STK32B: variants seen among roughly 807,000 people sequenced by gnomAD.
STK32B encodes serine/threonine-protein kinase 32B.
STK32B carries 43 observed loss-of-function variants against 52.6 expected under a neutral mutation model. The observed-to-expected ratio is 0.82, with a 90% CI of 0.64 to 1.05. The LOEUF (loss-of-function observed/expected upper bound fraction) is 1.05. STK32B is among the 50% of genes least tolerant of loss of function. The pLI, the probability that STK32B is intolerant of heterozygous loss-of-function variation, is 0.00. For synonymous variants in STK32B, 238 were observed against 204.3 expected (o/e 1.17, Z -1.41); for missense variants, 621 against 534.6 (o/e 1.16, Z -1.59).
intron 1 of STK32B, among the ~76,000 whole-genome samples, chr4:5,099,457 C>CGCACGCACGT (rs1553823557): frequency 1.4e-5 from 2 of 146,174 alleles, no homozygotes; most frequent in Non-Finnish European, 3.0e-5. Context: ...TGTGCGCGCG[C>CGCACGCACGT]GCGTATGTGA....
chr4:5,313,871 G>T (rs1181176109), intron 3 of STK32B, among the ~76,000 whole-genome samples: 4 of 152,066 alleles, frequency 2.6e-5, no homozygotes, highest in Non-Finnish European at 4.4e-5. Context: ...AGATATAAAT[G>T]TAACAAAAAC....
In STK32B at chr4:5,325,630, A is replaced by G. The variant is rs146683877; in HGVS notation, c.261-5590A>G. ...AATTTTTTAAAAAATAAAACATGGA[A>G]AATCGCATTCTTTATGCAGTTCTAT... On this transcript the variant is annotated intron_variant, in intron 3 of 11. Transcript: ENST00000282908. Among the ~76,000 whole-genome samples, 268 of 152,326 alleles carry G rather than the reference A, an allele frequency of 1.8e-3. 3 individuals carry two copies. The East Asian group carries it at 0.023, about 13-fold the overall frequency.
intron 3 of STK32B, among the ~76,000 whole-genome samples, chr4:5,209,355 G>T (rs1722771348): frequency 6.6e-6 from 1 of 152,094 alleles, no homozygotes. Flanking sequence ...TCAGGTAGCT[G>T]GGACCACAGG....
intron 11 of STK32B, among the ~76,000 whole-genome samples, chr4:5,495,225 G>C (rs1482580179): frequency 6.6e-6 from 1 of 152,160 alleles, no homozygotes; most frequent in Non-Finnish European, 1.5e-5. Context: ...ATCAGACGTA[G>C]ATTTGGTCTT....
rs1044235250 is a variant in STK32B, at chr4:5,228,749, C to T, written c.260+60299C>T. On this transcript the variant is annotated intron_variant, in intron 3 of 11. Transcript: ENST00000282908. ...TTGGGAGGCCGAAAAGGGTGGATCA[C>T]CTGAGGTCAAGAGTTTGAGACCAGC... 5.9e-5 allele frequency among the ~76,000 whole-genome samples: 9 copies of T among 152,270 alleles called. No homozygotes were observed. In the East Asian group the frequency reaches 1.5e-3, roughly 26 times the overall value.
intron 4 of STK32B, among the ~76,000 whole-genome samples, chr4:5,357,118 T>TAC (rs1734243001): frequency 2.6e-5 from 4 of 151,020 alleles, no homozygotes; most frequent in African/African-American, 7.3e-5. Flanking sequence ...CACATATATA[T>TAC]ACACACACCT....
At chr4:5,117,646 A>G (rs1714805416) in intron 1 of STK32B, among the ~76,000 whole-genome samples, 1 of 151,934 alleles carries the variant, frequency 6.6e-6, no homozygotes, top group Non-Finnish European at 1.5e-5. Context: ...TATTTTAGGG[A>G]TATTTACCTC....
chr4:5,220,870 T>G (rs1478332845), intron 3 of STK32B, among the ~76,000 whole-genome samples: 1 of 152,126 alleles, frequency 6.6e-6, no homozygotes, highest in East Asian at 1.9e-4. Context: ...ATTTTCTCCC[T>G]CTCCTCTTTA....
At chr4:5,191,240 G>T (rs1721177760) in intron 3 of STK32B, among the ~76,000 whole-genome samples, 1 of 150,708 alleles carries the variant, frequency 6.6e-6, no homozygotes, top group Non-Finnish European at 1.5e-5. Flanking sequence ...CCTCTGCCTT[G>T]CCTTATCCTG....
chr4:5,096,838 T>C (rs1713429555), intron 1 of STK32B, among the ~76,000 whole-genome samples: 1 of 152,142 alleles, frequency 6.6e-6, no homozygotes, highest in South Asian at 2.1e-4. Flanking sequence ...ATAACTAAGA[T>C]CGATTTCCAT....
chr4:5,435,957 C>G (rs926812140), intron 6 of STK32B: 5 of 152,336 alleles, frequency 3.3e-5, no homozygotes, highest in Non-Finnish European at 1.5e-5. Context: ...GGACGAAACC[C>G]TAGGGCTGCA....
intron 3 of STK32B, among the ~76,000 whole-genome samples, chr4:5,323,724 C>T (rs530206282): frequency 1.5e-4 from 23 of 152,208 alleles, no homozygotes; most frequent in South Asian, 1.5e-3. Flanking sequence ...TTTTTCATTC[C>T]GGAGTGTGTG....
chr4:5,287,298 C>T (rs1728612165), intron 3 of STK32B, among the ~76,000 whole-genome samples: 1 of 152,094 alleles, frequency 6.6e-6, no homozygotes, highest in Non-Finnish European at 1.5e-5. Flanking sequence ...CTTTCTTTAG[C>T]CATTTTCTTG....
chr4:5,037,499 C>T, the STK32B span, among the ~76,000 whole-genome samples: 76,430 of 151,944 alleles, frequency 0.5, 19,938 homozygotes, highest in East Asian at 0.88. Flanking sequence ...TTGGTCACAA[C>T]CAGCTCTTCT....
intron 7 of STK32B, among the ~76,000 whole-genome samples, chr4:5,450,521 C>T (rs1715890028): frequency 6.6e-6 from 1 of 152,144 alleles, no homozygotes; most frequent in South Asian, 2.1e-4. Flanking sequence ...ATTATTTTCC[C>T]CTTACTCAGT....
intron 3 of STK32B, among the ~76,000 whole-genome samples, chr4:5,249,441 ACC>A: frequency 1.5e-5 from 2 of 137,442 alleles, no homozygotes; most frequent in Admixed American, 1.5e-4. Context: ...CTTCCTACCT[ACC>A]TTCCTTCCTT....
At chr4:5,364,382 G>A (rs1349299043) in intron 4 of STK32B, among the ~76,000 whole-genome samples, 1 of 152,196 alleles carries the variant, frequency 6.6e-6, no homozygotes, top group East Asian at 1.9e-4. Context: ...ATCCTGCTTT[G>A]CAGGTCCCTG....
chr4:5,138,746 C>T lies in STK32B; in HGVS notation c.53-1159C>T, dbSNP rs534360355. On this transcript the variant is annotated intron_variant, in intron 1 of 11. Transcript: ENST00000282908. The stretch of plus-strand genomic sequence containing the variant: ...GTTCCACAGTGCCATGAGAATGTAT[C>T]GTAGGGAGCCAGACGTAGTCTGGAG... Among the ~76,000 whole-genome samples, 16 of 152,206 alleles carry T rather than the reference C, an allele frequency of 1.1e-4. No homozygotes were observed. The East Asian group carries it at 2.9e-3, about 28-fold the overall frequency.
intron 7 of STK32B, among the ~76,000 whole-genome samples, chr4:5,455,502 C>G (rs1716423743): frequency 6.6e-6 from 1 of 152,196 alleles, no homozygotes; most frequent in South Asian, 2.1e-4. Context: ...TCTGGCATCT[C>G]CAGATCCTAC....
Sources: allele counts gnomAD v4.1 joint callset (sites outside exome capture counted in the v4.1 genomes callset), GRCh38; gene constraint gnomAD v4.1.1; transcripts MANE v1.5; gene names NCBI Gene and HGNC (gene_info 2026-07-23, HGNC 2026-07-21).